ACAP2: variants seen among roughly 807,000 people sequenced by gnomAD.
The protein encoded by ACAP2 is ArfGAP with coiled-coil, ankyrin repeat and PH domains 2.
Under a neutral mutation model 115.8 loss-of-function variants are expected in ACAP2, and 39 were observed. The observed-to-expected ratio is 0.34, with a 90% confidence interval of 0.26 to 0.44. The LOEUF (loss-of-function observed/expected upper bound fraction) is 0.44. Ranked by LOEUF, ACAP2 falls within the 20% of genes least tolerant of loss-of-function variation. The probability of loss-of-function intolerance (pLI) is 1.00; values close to 1 mark genes in which losing one functional copy is unlikely to be tolerated. For synonymous variants in ACAP2, 289 were observed against 315.8 expected, an observed-to-expected ratio of 0.92 and a Z score of 0.90; for missense variants, 662 against 927.6, an observed-to-expected ratio of 0.71 and a Z score of 3.72.
chr3:195,385,831 A>G (rs1483195260), intron 2 of ACAP2, among the ~76,000 whole-genome samples: 1 of 152,248 alleles, frequency 6.6e-6, no homozygotes, highest in East Asian at 1.9e-4. Flanking sequence ...GACAAATAAT[A>G]TAGATGGTCA....
At chr3:195,325,409 G>C (rs1035785863) in intron 9 of ACAP2, 2 of 416,880 alleles carry the variant, frequency 4.8e-6, no homozygotes, top group Admixed American at 3.0e-5. Context: ...GTTTTTAGTG[G>C]ACTGATTTTT....
chr3:195,405,085 C>A (rs1195966435), intron 1 of ACAP2, among the ~76,000 whole-genome samples: 1 of 151,978 alleles, frequency 6.6e-6, no homozygotes, highest in Non-Finnish European at 1.5e-5. Context: ...TAGGCATGAG[C>A]CACCGCAACC....
chr3:195,294,904 T>C, intron 17 of ACAP2, 93 bp from the exon 18 acceptor site: 4 of 729,266 alleles, frequency 5.5e-6, no homozygotes, highest in Non-Finnish European at 6.9e-6. Context: ...CTCTTACACA[T>C]CAACATGAAC....
At chr3:195,342,692 G>T in intron 5 of ACAP2, 38 bp from the exon 6 acceptor site, 1 of 1,537,288 alleles carries the variant, frequency 6.5e-7, no homozygotes, top group Non-Finnish European at 8.7e-7. Context: ...TTTATAACTT[G>T]CTTCATTAAA....
intron 13 of ACAP2, 30 bp from the exon 14 acceptor site, chr3:195,302,204 A>T (rs745311548): frequency 1.1e-5 from 16 of 1,484,818 alleles, no homozygotes; most frequent in Middle Eastern, 2.3e-4. Context: ...CTTGTTTTTA[A>T]AAAAAAAAAA....
chr3:195,398,970 C>CTA (rs993595132), intron 1 of ACAP2, among the ~76,000 whole-genome samples: 21 of 152,288 alleles, frequency 1.4e-4, no homozygotes, highest in Admixed American at 1.4e-3. Flanking sequence ...AACAGCTTGA[C>CTA]TATCACTTCA....
intron 1 of ACAP2, among the ~76,000 whole-genome samples, chr3:195,416,935 TAA>T (rs976059057): frequency 6.6e-6 from 1 of 151,886 alleles, no homozygotes; most frequent in Non-Finnish European, 1.5e-5. Context: ...CTTTTTTTTT[TAA>T]GAGACAGGGT....
chr3:195,283,668 T>C (rs747862633), intron 22 of ACAP2, among the ~76,000 whole-genome samples: 2 of 152,232 alleles, frequency 1.3e-5, no homozygotes, highest in African/African-American at 4.8e-5. Flanking sequence ...GCAATTGCTA[T>C]GCCATTTCAC....
rs373743920 is a variant in ACAP2 at position 195,436,135 on chromosome 3, T to A, written c.53+6660A>T. On this transcript the variant is annotated intron_variant, in intron 1 of 22. Transcript: ENST00000326793. ...CATATATATGTATATATATATATAT[T>A]TTTTTTTTTTGGAGACAAAGTCCCA... is the stretch of plus-strand genomic sequence containing the variant. Among the ~76,000 whole-genome samples, 816 of 133,232 alleles carry A rather than the reference T, an allele frequency of 6.1e-3. 3 individuals are homozygous for A. The highest frequency in any genetic ancestry group is 0.023 in the Middle Eastern group (6 of 256). The allele number at this position is 133,232 out of a possible 152,430, so 87.4% of individuals were successfully genotyped here.
At chr3:195,331,488 T>A (rs545667932) in intron 8 of ACAP2, among the ~76,000 whole-genome samples, 66 of 152,136 alleles carry the variant, frequency 4.3e-4, no homozygotes, top group African/African-American at 1.5e-3. Flanking sequence ...AATTTTTGTA[T>A]TTTTAGTAGA....
rs367822529 is a variant in ACAP2, at chr3:195,410,457, G to C, written c.54-18310C>G. On this transcript the variant is annotated intron_variant, in intron 1 of 22. Transcript: ENST00000326793. ...AAAATTTTGTGTATCAAAAGACACAGAGTAAAAAATCCATCCACAGAATGG... is the reference window on the plus strand; with the variant it reads ...AAAATTTTGTGTATCAAAAGACACACAGTAAAAAATCCATCCACAGAATGG... Among the ~76,000 whole-genome samples the C allele has an allele frequency of 1.2e-4, 19 of 152,282 alleles. No individual in the cohort carries two copies. In the East Asian group the frequency reaches 3.7e-3, roughly 29 times the overall value.
chr3:195,286,685 A>T (rs1420353064), intron 21 of ACAP2, among the ~76,000 whole-genome samples: 1 of 152,224 alleles, frequency 6.6e-6, no homozygotes, highest in African/African-American at 2.4e-5. Flanking sequence ...CACTGTGTGT[A>T]TTAACAACAG....
intron 1 of ACAP2, among the ~76,000 whole-genome samples, chr3:195,441,405 A>G (rs1715982841): frequency 6.6e-6 from 1 of 152,232 alleles, no homozygotes; most frequent in African/African-American, 2.4e-5. Flanking sequence ...AATCGCAACA[A>G]CAGCTATCAA....
At chr3:195,412,164 CA>C (rs869120673) in intron 1 of ACAP2, among the ~76,000 whole-genome samples, 452 of 48,544 alleles carry the variant, frequency 9.3e-3, no homozygotes, top group Middle Eastern at 0.017. Flanking sequence ...GACCCTGTCT[CA>C]AAAAAAAAAA....
At chr3:195,344,230 AG>A (rs985640785) in intron 5 of ACAP2, among the ~76,000 whole-genome samples, 3 of 152,132 alleles carry the variant, frequency 2.0e-5, no homozygotes, top group African/African-American at 7.2e-5. Flanking sequence ...TATTTAAAAA[AG>A]AAAAAAACAA....
chr3:195,350,806 T>C (rs1731516287), intron 4 of ACAP2, among the ~76,000 whole-genome samples: 1 of 151,852 alleles, frequency 6.6e-6, no homozygotes, highest in African/African-American at 2.4e-5. Context: ...GCAAAGAATT[T>C]AATAATAATA....
intron 1 of ACAP2, among the ~76,000 whole-genome samples, chr3:195,393,506 A>G (rs929510036): frequency 6.6e-6 from 1 of 152,272 alleles, no homozygotes; most frequent in Non-Finnish European, 1.5e-5. Context: ...ATGCTCTAGC[A>G]TATGACTGGA....
intron 13 of ACAP2, among the ~76,000 whole-genome samples, chr3:195,304,163 CAAAAAAAAAAAA>C (rs56055597): frequency 5.8e-4 from 37 of 63,272 alleles, no homozygotes; most frequent in Middle Eastern, 0.013. Context: ...GACTCCATCT[CAAAAAAAAAAAA>C]AAAAAAAAAA....
intron 1 of ACAP2, among the ~76,000 whole-genome samples, chr3:195,438,718 C>T (rs1715773147): frequency 6.6e-6 from 1 of 151,996 alleles, no homozygotes; most frequent in Admixed American, 6.6e-5. Context: ...ACATAATTCA[C>T]CCACAAACAC....
Sources: gnomAD v4.1 joint callset for allele counts (sites outside exome capture counted in the v4.1 genomes callset) on GRCh38, gnomAD v4.1.1 for gene constraint, MANE v1.5 for transcripts, NCBI Gene and HGNC (gene_info 2026-07-23, HGNC 2026-07-21) for gene names.